Variants in KSR2 observed in about 807,000 individuals in gnomAD.
KSR2 encodes the protein kinase suppressor of ras 2.
In KSR2, 25 loss-of-function variants were observed where a neutral mutation model predicts 107.8. That is an observed-to-expected ratio of 0.23 (90% CI 0.17 to 0.32). The LOEUF (loss-of-function observed/expected upper bound fraction) is 0.32. Ranked by LOEUF, KSR2 falls within the 10% of genes least tolerant of loss-of-function variation. The pLI is 1.00. For synonymous variants in KSR2, 480 were observed against 507.0 expected, an observed-to-expected ratio of 0.95 and a Z score of 0.71; for missense variants, 887 against 1,268.9, an observed-to-expected ratio of 0.70 and a Z score of 4.57.
intron 3 of KSR2, among the ~76,000 whole-genome samples, chr12:117,850,799 A>AC (rs1321115144): frequency 2.7e-5 from 3 of 112,814 alleles, no homozygotes; most frequent in Non-Finnish European, 5.4e-5. Context: ...ACAAAGCAAG[A>AC]CCCCATCTCA....
chr12:117,531,584 C>G, intron 11 of KSR2, 82 bp downstream of exon 11: 1 of 1,209,992 alleles, frequency 8.3e-7, no homozygotes, highest in Non-Finnish European at 1.2e-6. Context: ...CCCACAACAT[C>G]TGCCTCCATT....
chr12:117,750,190 C>T (rs1348332802), intron 4 of KSR2, among the ~76,000 whole-genome samples: 1 of 147,944 alleles, frequency 6.8e-6, no homozygotes. Flanking sequence ...GCAGAGATTG[C>T]AGTGAGCCAA....
chr12:117,751,988 T>C (rs1387898528), intron 4 of KSR2, among the ~76,000 whole-genome samples: 4 of 152,244 alleles, frequency 2.6e-5, no homozygotes, highest in African/African-American at 4.8e-5. Flanking sequence ...ATTAGCACAA[T>C]GATTTGTAGG....
In KSR2 at chr12:117,789,564, A is replaced by G. The variant is rs530466588; in HGVS notation, c.473-28040T>C. Among the ~76,000 whole-genome samples, 5 of 152,298 alleles carry G rather than the reference A, an allele frequency of 3.3e-5. No homozygotes were observed. The South Asian group carries it at 1.0e-3, about 32-fold the overall frequency. The stretch of plus-strand genomic sequence containing the variant: ...GGCCAAGGTCACACGGTAGAAAGAA[A>G]CAGAGCTGGGGTTTGAACCCAGATC... On this transcript the variant is annotated intron_variant, in intron 3 of 19. Coordinates refer to ENST00000339824, the MANE Select transcript of KSR2 (RefSeq NM_173598.6).
chr12:117,927,206 T>C (rs532852808), intron 1 of KSR2, among the ~76,000 whole-genome samples: 1 of 151,622 alleles, frequency 6.6e-6, no homozygotes, highest in South Asian at 2.1e-4. Flanking sequence ...TGAAACCCCA[T>C]CTCTACTAAA....
intron 9 of KSR2, among the ~76,000 whole-genome samples, chr12:117,552,404 G>T (rs1565896903): frequency 6.6e-6 from 1 of 152,178 alleles, no homozygotes; most frequent in African/African-American, 2.4e-5. Flanking sequence ...AATCTGAGCA[G>T]GCTTGTGACT....
intron 5 of KSR2, among the ~76,000 whole-genome samples, chr12:117,656,862 A>G (rs901175517): frequency 6.7e-6 from 1 of 150,152 alleles, no homozygotes; most frequent in East Asian, 2.0e-4. Context: ...CAGACAGCCT[A>G]TTGTAGGACC....
At chr12:117,785,072 G>A (rs952043147) in intron 3 of KSR2, among the ~76,000 whole-genome samples, 1 of 152,114 alleles carries the variant, frequency 6.6e-6, no homozygotes, top group Non-Finnish European at 1.5e-5. Flanking sequence ...CTCCAAAATT[G>A]CGTGATATGC....
chr12:117,745,723 T>G (rs1888382804), intron 4 of KSR2, among the ~76,000 whole-genome samples: 1 of 152,104 alleles, frequency 6.6e-6, no homozygotes. Context: ...TATAAACAAC[T>G]TCAGCAAAGT....
intron 9 of KSR2, among the ~76,000 whole-genome samples, chr12:117,551,161 T>C (rs1021894842): frequency 1.6e-4 from 24 of 152,308 alleles, no homozygotes; most frequent in South Asian, 2.1e-4. Context: ...CCATAAGGAA[T>C]TGGCAGATGC....
chr12:117,527,304 CACACACACACACACACACACAG>C (rs1268808235), intron 12 of KSR2, among the ~76,000 whole-genome samples, 185 bp from the exon 13 acceptor site: 5 of 124,498 alleles, frequency 4.0e-5, no homozygotes, highest in Admixed American at 2.2e-4. Flanking sequence ...CACACACAGA[CACACACACACACACACACACAG>C]ACACACACAC....
At chr12:117,479,223 A>G (rs1871996894) in intron 16 of KSR2, among the ~76,000 whole-genome samples, 1 of 152,228 alleles carries the variant, frequency 6.6e-6, no homozygotes, top group Admixed American at 6.5e-5. Flanking sequence ...GACTGTAGGA[A>G]AGGAAGCAAA....
chr12:117,968,439 C>A lies in KSR2; in HGVS notation c.-184G>T. On this transcript the variant is annotated 5_prime_UTR_variant, in exon 1 of 20. Transcript: ENST00000339824. ...GGGAGTGGGAGGAGGGGACAAGAGC[C>A]AAAATTTATTATTTTATTTTGGGAT... The A allele has an allele frequency of 3.8e-6, 5 of 1,325,030 alleles. No homozygotes were observed. The highest frequency in any genetic ancestry group is 4.8e-6 in the Non-Finnish European group (5 of 1,045,312). 82.1% of individuals were successfully genotyped at this position (1,325,030 alleles called of 1,614,324 possible).
intron 3 of KSR2, among the ~76,000 whole-genome samples, chr12:117,823,174 C>T (rs1251755082): frequency 2.7e-5 from 4 of 149,664 alleles, no homozygotes; most frequent in East Asian, 2.0e-4. Context: ...TAGAAGGAAA[C>T]GTGGCTGCCG....
intron 18 of KSR2, among the ~76,000 whole-genome samples, chr12:117,470,456 A>G (rs757514881): frequency 6.6e-5 from 10 of 152,186 alleles, no homozygotes; most frequent in Non-Finnish European, 1.5e-4. Flanking sequence ...TCTGAGCCCA[A>G]ATAACAACCA....
rs562113109 is a variant in KSR2 at position 117,761,626 on chromosome 12, C to A, written c.473-102G>T. The A allele has an allele frequency of 4.6e-6, 5 of 1,085,894 alleles. No individual in the cohort carries two copies. The African/African-American group carries it at 7.9e-5, about 17-fold the overall frequency. 67.3% of individuals were successfully genotyped at this position (1,085,894 alleles called of 1,614,324 possible). On this transcript the variant is annotated intron_variant, in intron 3 of 19. Transcript: ENST00000339824. Reference sequence around the variant, plus strand: ...CATCATACACACATTACACCACGTGCCCATTACATCATGTGCATGTTACAC... The same window carrying A: ...CATCATACACACATTACACCACGTGACCATTACATCATGTGCATGTTACAC...
chr12:117,924,572 C>CA (rs58789868), intron 1 of KSR2, among the ~76,000 whole-genome samples: 5,801 of 39,036 alleles, frequency 0.15, 501 homozygotes, highest in African/African-American at 0.2. Context: ...AGCTCCATCT[C>CA]AAAAAAAAAA....
intron 1 of KSR2, among the ~76,000 whole-genome samples, chr12:117,958,645 A>T (rs939716367): frequency 1.3e-5 from 2 of 152,090 alleles, no homozygotes; most frequent in African/African-American, 4.8e-5. Context: ...ACATGGTGAA[A>T]CTCCATCTCT....
At chr12:117,686,684 C>T (rs902810715) in intron 4 of KSR2, among the ~76,000 whole-genome samples, 20 of 152,028 alleles carry the variant, frequency 1.3e-4, no homozygotes, top group Admixed American at 9.2e-4. Flanking sequence ...GTGGTAAGCC[C>T]GTAAAGACCC....
Sources: allele counts gnomAD v4.1 joint callset (sites outside exome capture counted in the v4.1 genomes callset), GRCh38; gene constraint gnomAD v4.1.1; transcripts MANE v1.5; gene names NCBI Gene and HGNC (gene_info 2026-07-23, HGNC 2026-07-21).